The following LARGE1 variants were observed in gnomAD, a reference collection of about 807,000 sequenced individuals.
The protein encoded by LARGE1 is xylosyl- and glucuronyltransferase LARGE1.
In LARGE1, 43 loss-of-function variants were observed where a neutral mutation model predicts 87.6. The ratio of observed to expected loss-of-function variants is 0.49; its 90% CI spans 0.38 to 0.63. The LOEUF (loss-of-function observed/expected upper bound fraction) is 0.63. LARGE1 is among the 30% of genes least tolerant of loss of function. LARGE1 has a pLI of 0.00. For missense variants in LARGE1, 802 were observed against 1,000.2 expected (o/e 0.80, Z 2.67); for synonymous variants, 434 against 394.6 (o/e 1.10, Z -1.18).
At chr22:33,085,397 T>C in the LARGE1 span, among the ~76,000 whole-genome samples, 2 of 152,248 alleles carry the variant, frequency 1.3e-5, no homozygotes, top group African/African-American at 4.8e-5. Context: ...TTTAAATCTA[T>C]ATTGACAAAA....
intron 1 of LARGE1, among the ~76,000 whole-genome samples, chr22:33,852,896 GA>G (rs2063650309): frequency 8.8e-6 from 1 of 114,282 alleles, no homozygotes. Flanking sequence ...AAGAAAGAAA[GA>G]AAAGTGATAA....
chr22:33,753,527 T>C (rs1272515437), intron 2 of LARGE1, among the ~76,000 whole-genome samples: 1 of 152,114 alleles, frequency 6.6e-6, no homozygotes, highest in Non-Finnish European at 1.5e-5. Context: ...AACTGTAAGA[T>C]AATAAATGTA....
intron 3 of LARGE1, among the ~76,000 whole-genome samples, chr22:33,639,860 GA>G (rs1028893180): frequency 8.5e-5 from 13 of 152,320 alleles, no homozygotes; most frequent in Non-Finnish European, 1.3e-4. Context: ...ACAGGCAACA[GA>G]AATATGCAAG....
chr22:33,843,065 C>G (rs2063328359), intron 1 of LARGE1, among the ~76,000 whole-genome samples: 1 of 152,190 alleles, frequency 6.6e-6, no homozygotes, highest in African/African-American at 2.4e-5. Context: ...CCTAGCCTTC[C>G]TGGAAGACAT....
intron 6 of LARGE1, among the ~76,000 whole-genome samples, chr22:33,443,922 TG>T (rs1383986766): frequency 1.3e-5 from 2 of 152,284 alleles, no homozygotes; most frequent in African/African-American, 4.8e-5. Flanking sequence ...GCGGCAGAGC[TG>T]GCCTCAGCCC....
At chr22:33,136,283 C>T in the LARGE1 span, among the ~76,000 whole-genome samples, 1 of 152,182 alleles carries the variant, frequency 6.6e-6, no homozygotes, top group Non-Finnish European at 1.5e-5. Context: ...TTCCACATGG[C>T]TGGGGAGGCC....
chr22:33,833,540 G>A (rs549497909), intron 1 of LARGE1, among the ~76,000 whole-genome samples: 13 of 152,204 alleles, frequency 8.5e-5, no homozygotes, highest in Admixed American at 5.9e-4. Flanking sequence ...CTTCATCTTG[G>A]ACTTCTAGCC....
At chr22:33,582,648 C>G (rs2078555405) in intron 5 of LARGE1, among the ~76,000 whole-genome samples, 1 of 152,204 alleles carries the variant, frequency 6.6e-6, no homozygotes, top group African/African-American at 2.4e-5. Flanking sequence ...CCTAGGCACC[C>G]TGGTCACCCA....
chr22:33,534,235 T>C (rs963817772), intron 6 of LARGE1, among the ~76,000 whole-genome samples: 12 of 152,030 alleles, frequency 7.9e-5, no homozygotes, highest in African/African-American at 2.9e-4. Context: ...AAACCCTGTC[T>C]CTACTAAAAA....
At chr22:33,858,744 A>G (rs2063828399) in intron 1 of LARGE1, among the ~76,000 whole-genome samples, 1 of 152,228 alleles carries the variant, frequency 6.6e-6, no homozygotes, top group African/African-American at 2.4e-5. Flanking sequence ...ACACATGCAC[A>G]CGTATGTTTA....
At chr22:33,256,963 C>T (rs948644422) in intron 11 of LARGE1, among the ~76,000 whole-genome samples, 14 of 151,940 alleles carry the variant, frequency 9.2e-5, no homozygotes, top group African/African-American at 2.2e-4. Context: ...CCCAGCACTT[C>T]GGGAGGCCAA....
chr22:33,907,865 G>A (rs1233508054), intron 1 of LARGE1, among the ~76,000 whole-genome samples: 3 of 152,130 alleles, frequency 2.0e-5, no homozygotes, highest in African/African-American at 7.2e-5. Flanking sequence ...CCAAAGTGCT[G>A]GGATTCCAGG....
intron 10 of LARGE1, among the ~76,000 whole-genome samples, chr22:33,330,473 C>T (rs1472794791): frequency 2.6e-5 from 4 of 152,090 alleles, no homozygotes; most frequent in Non-Finnish European, 5.9e-5. Context: ...TAGGCATGAG[C>T]TACCGCACCC....
At chr22:33,554,425 AAAC>A (rs907994099) in intron 6 of LARGE1, among the ~76,000 whole-genome samples, 2 of 152,098 alleles carry the variant, frequency 1.3e-5, no homozygotes, top group Non-Finnish European at 1.5e-5. Context: ...AGTTTATTAA[AAAC>A]AACAACAACA....
At chr22:33,096,554 G>T in the LARGE1 span, among the ~76,000 whole-genome samples, 1 of 96,602 alleles carries the variant, frequency 1.0e-5, no homozygotes, top group African/African-American at 3.8e-5. Context: ...TTGTTTGTTT[G>T]TTTTTGTTTT....
chr22:33,651,225 C>CAAAAAAACAAAAAAAAAAAAAAAAAAA (rs2080796299), intron 2 of LARGE1, among the ~76,000 whole-genome samples: 1 of 56,574 alleles, frequency 1.8e-5, no homozygotes, highest in Non-Finnish European at 3.6e-5. Context: ...ACTAAAAATA[C>CAAAAAAACAAAAAAAAAAAAAAAAAAA]AAAAAAAAAA....
intron 2 of LARGE1, among the ~76,000 whole-genome samples, chr22:33,699,726 A>G (rs1293377262): frequency 2.6e-5 from 4 of 152,234 alleles, no homozygotes; most frequent in Non-Finnish European, 5.9e-5. Flanking sequence ...TTCAATAAGC[A>G]TAAAAGAAAG....
intron 1 of LARGE1, among the ~76,000 whole-genome samples, chr22:33,814,966 A>G (rs1289089398): frequency 6.6e-6 from 1 of 152,220 alleles, no homozygotes; most frequent in East Asian, 1.9e-4. Context: ...CGACAAGGCC[A>G]TAATTTAGAC....
intron 6 of LARGE1, among the ~76,000 whole-genome samples, chr22:33,443,668 C>T (rs1394183689): frequency 6.6e-6 from 1 of 152,190 alleles, no homozygotes; most frequent in Non-Finnish European, 1.5e-5. Flanking sequence ...AAGAACAAGT[C>T]CACCCTCCCC....
Sources: gnomAD v4.1 joint callset for allele counts (sites outside exome capture counted in the v4.1 genomes callset) on GRCh38, gnomAD v4.1.1 for gene constraint, MANE v1.5 for transcripts, NCBI Gene and HGNC (gene_info 2026-07-23, HGNC 2026-07-21) for gene names.